CRACR2B: variants seen among roughly 807,000 people sequenced by gnomAD.
CRACR2B encodes the protein calcium release activated channel regulator 2B.
A neutral mutation model predicts 46.0 loss-of-function variants in CRACR2B; 50 were observed. The observed-to-expected ratio is 1.09, with a 90% CI of 0.87 to 1.38. The LOEUF is 1.38. Ranked by LOEUF, CRACR2B falls within the 40% of genes most tolerant of loss-of-function variation. CRACR2B has a pLI of 0.00. For synonymous variants in CRACR2B, 277 were observed against 239.6 expected, an observed-to-expected ratio of 1.16 and a Z score of -1.44; for missense variants, 667 against 535.0, an observed-to-expected ratio of 1.25 and a Z score of -2.43.
chr11:831,001 G>A lies in CRACR2B; in HGVS notation c.922G>A (p.Glu308Lys), dbSNP rs1479370827. Reference sequence around the variant, plus strand: ...GGAGCAGATCCGCAGGCTGGAGAGCGAAGCACGAGGCCGCCAGGAGCAAAC... The same window carrying A: ...GGAGCAGATCCGCAGGCTGGAGAGCAAAGCACGAGGCCGCCAGGAGCAAAC... ...AQEQIRRLES[E>K]ARGRQEQTQR... Residue 308 changes from glutamate to lysine, a missense_variant, in exon 7 of 9, where the codon GAA (glutamate) becomes AAA (lysine). Coordinates refer to ENST00000525077, the MANE Select transcript of CRACR2B (RefSeq NM_001286606.2). The A allele has an allele frequency of 2.6e-6, 4 of 1,533,878 alleles. No individual in the cohort carries two copies. The South Asian group carries it at 3.6e-5, about 14-fold the overall frequency.
At chr11:828,797 G>A in intron 1 of CRACR2B, 25 bp downstream of exon 1, 1 of 1,612,486 alleles carries the variant, frequency 6.2e-7, no homozygotes, top group Non-Finnish European at 8.5e-7. Context: ...CCAAGAGACT[G>A]CTTCGGCCCT....
In CRACR2B at chr11:830,985, C is replaced by A. The variant is rs766245094; in HGVS notation, c.906C>A (p.Ile302=). The change falls in exon 7 of 9, where the codon ATC becomes ATA. Residue 302 remains isoleucine, a synonymous_variant. Coordinates refer to ENST00000525077, the MANE Select transcript of CRACR2B (RefSeq NM_001286606.2). ...AGCTGGAGGGGGCGCAGGAGCAGATCCGCAGGCTGGAGAGCGAAGCACGAG... is the reference window on the plus strand; with the variant it reads ...AGCTGGAGGGGGCGCAGGAGCAGATACGCAGGCTGGAGAGCGAAGCACGAG... ...RTQLEGAQEQ[I]RRLESEARGR... is the part of the protein sequence containing the mutation. 6.5e-7 allele frequency: 1 copy of A among 1,533,822 alleles called. No homozygotes were observed. Among genetic ancestry groups the A allele is most frequent in the South Asian group, 1.2e-5 (1 of 83,982 alleles).
chr11:829,457 G>A lies in CRACR2B; in HGVS notation c.375G>A (p.Ala125=), dbSNP rs1179994082. The change falls in exon 3 of 9, where the codon GCG becomes GCA. Residue 125 remains alanine, a synonymous_variant. Coordinates refer to ENST00000525077, the MANE Select transcript of CRACR2B (RefSeq NM_001286606.2). The part of the protein sequence containing the change: ...ESGGLDVQGT[A]GSLDEEEEEE... ...GCGGGCTCGACGTGCAGGGCACGGC[G>A]GGCTCTCTGGATGAGGAGGAGGAAG... The A allele has an allele frequency of 4.3e-6, 7 of 1,609,768 alleles. No individual in the cohort carries two copies. The highest frequency in any genetic ancestry group is 2.7e-5 in the African/African-American group (2 of 74,968).
chr11:830,481 G>A (rs1432673916), intron 5 of CRACR2B, 140 bp from the exon 6 acceptor site: 1 of 1,537,118 alleles, frequency 6.5e-7, no homozygotes, highest in Non-Finnish European at 8.7e-7. Flanking sequence ...ATCCCACTGG[G>A]CCTCACGTAT....
rs1474815183 is a variant in CRACR2B at position 831,295 on chromosome 11, G to A, written c.1025G>A (p.Arg342Lys). The A allele has an allele frequency of 6.2e-7, 1 of 1,607,536 alleles. No individual in the cohort carries two copies. The highest frequency in any genetic ancestry group is 2.2e-5 in the East Asian group (1 of 44,840). Residue 342 changes from arginine to lysine, a missense_variant and splice_region_variant, in exon 8 of 9, where the codon AGG (arginine) becomes AAG (lysine). Arg to Lys is a conservative substitution (Grantham distance 26, BLOSUM62 2). Coordinates refer to ENST00000525077, the MANE Select transcript of CRACR2B (RefSeq NM_001286606.2). ...CTGCTACGGCAACTGGAGCTGCTCA[G>A]GTACGGTCAGGCTCAGGCCCGAGAG... Reference protein sequence around the residue: ...VSLLRQLELLRELNTRLRDDR... With the variant: ...VSLLRQLELLKELNTRLRDDR...
rs1302836740 is a variant in CRACR2B, at chr11:830,504, G to T, written c.694-117G>T. 9.1e-6 allele frequency: 14 copies of T among 1,539,036 alleles called. No homozygotes were observed. In the East Asian group the frequency reaches 2.9e-4, roughly 32 times the overall value. On this transcript the variant is annotated intron_variant, in intron 5 of 8. Coordinates refer to ENST00000525077, the MANE Select transcript of CRACR2B (RefSeq NM_001286606.2). ...GGGCCTCACGTATCACCCCCGTCCGGTCTTCTCCACCCGACCCCGCTCCGC... is the reference window on the plus strand; with the variant it reads ...GGGCCTCACGTATCACCCCCGTCCGTTCTTCTCCACCCGACCCCGCTCCGC...
At chr11:829,795 G>A (rs1846241262) in intron 3 of CRACR2B, 191 bp from the exon 4 acceptor site, 1 of 1,194,652 alleles carries the variant, frequency 8.4e-7, no homozygotes, top group South Asian at 1.6e-5. Context: ...GCACTGCCCA[G>A]GGTACACACA....
At chr11:829,564 C>T in intron 3 of CRACR2B, 24 bp downstream of exon 3, 1 of 1,534,774 alleles carries the variant, frequency 6.5e-7, no homozygotes, top group Non-Finnish European at 8.7e-7. Context: ...GGCCCCGCTC[C>T]CACTGCCCGC....
Position 829,472 on chromosome 11 carries a change from G to C in CRACR2B, c.390G>C (p.Glu130Asp). 1 of 1,608,994 alleles carries C rather than the reference G, an allele frequency of 6.2e-7. No homozygotes were observed. The highest frequency in any genetic ancestry group is 8.5e-7 in the Non-Finnish European group (1 of 1,178,552). Residue 130 changes from glutamate (E) to aspartate (D), a missense_variant, in exon 3 of 9, where the codon GAG becomes GAC. Physicochemically the swap from Glu to Asp is conservative, Grantham distance 45. Coordinates refer to ENST00000525077, the MANE Select transcript of CRACR2B (RefSeq NM_001286606.2). ...DVQGTAGSLD[E>D]EEEEEERFHT... ...AGGGCACGGCGGGCTCTCTGGATGA[G>C]GAGGAGGAAGAGGAGGAGCGATTCC...
chr11:829,051 G>T, intron 2 of CRACR2B, 88 bp downstream of exon 2: 1 of 1,515,468 alleles, frequency 6.6e-7, no homozygotes. Context: ...GAGGGCTGCC[G>T]GTGCCTCTCG....
At chr11:830,205 G>A in intron 4 of CRACR2B, 45 bp from the exon 5 acceptor site, 1 of 1,495,106 alleles carries the variant, frequency 6.7e-7, no homozygotes, top group Non-Finnish European at 8.9e-7. Flanking sequence ...CCAGGGGGCT[G>A]TAGCGCTGGC....
In CRACR2B at chr11:829,459, G is replaced by T. The variant is rs2133901228; in HGVS notation, c.377G>T (p.Gly126Val). 2 of 1,609,892 alleles carry T rather than the reference G, an allele frequency of 1.2e-6. No individual in the cohort carries two copies. Among genetic ancestry groups the T allele is most frequent in the Non-Finnish European group, 1.7e-6 (2 of 1,178,928 alleles). The change falls in exon 3 of 9, where the codon GGC becomes GTC. Residue 126 changes from glycine to valine, a missense_variant. Gly to Val is a moderately radical substitution (Grantham distance 109, BLOSUM62 -3). Transcript: ENST00000525077. Reference protein sequence around the residue: ...SGGLDVQGTAGSLDEEEEEEE... With the variant: ...SGGLDVQGTAVSLDEEEEEEE... Reference sequence around the variant, plus strand: ...GGGCTCGACGTGCAGGGCACGGCGGGCTCTCTGGATGAGGAGGAGGAAGAG... The same window carrying T: ...GGGCTCGACGTGCAGGGCACGGCGGTCTCTCTGGATGAGGAGGAGGAAGAG...
rs570908519 is a variant in CRACR2B at position 828,465 on chromosome 11, G to A, written c.-143G>A. The A allele has an allele frequency of 2.1e-4, 218 of 1,028,478 alleles. No homozygotes were observed. Among genetic ancestry groups the A allele is most frequent in the African/African-American group, 1.1e-3 (66 of 60,992 alleles). 63.7% of individuals were successfully genotyped at this position (1,028,478 alleles called of 1,614,324 possible). On this transcript the variant is annotated 5_prime_UTR_variant, in exon 1 of 9. Transcript: ENST00000525077. ...GCCCCCTGGTCCCACCTTGCCTTCC[G>A]CCCACCTTCCCACCTGCTGCAGGGA...
chr11:826,721 C>T (rs564055171), upstream of CRACR2B, among the ~76,000 whole-genome samples: 27 of 151,594 alleles, frequency 1.8e-4, no homozygotes, highest in Admixed American at 1.2e-3. Context: ...GACGGGGTTT[C>T]GCCATGTTGG....
Position 829,361 on chromosome 11 carries a change from G to C in CRACR2B, c.279G>C (p.Gly93=), listed in dbSNP as rs909958914. The C allele has an allele frequency of 1.9e-6, 3 of 1,604,750 alleles. No individual in the cohort carries two copies. The highest frequency in any genetic ancestry group is 2.7e-5 in the African/African-American group (2 of 74,464). The change falls in exon 3 of 9, where the codon GGG becomes GGC. Residue 93 remains glycine (G), a splice_region_variant and synonymous_variant. Coordinates refer to ENST00000525077, the MANE Select transcript of CRACR2B (RefSeq NM_001286606.2). ...LTAREFCLGL[G]MFVGVASAQG... Reference sequence around the variant, plus strand: ...TAATCGCTCGCTCCATGCCCGCAGGGATGTTTGTGGGGGTGGCGTCAGCCC... The same window carrying C: ...TAATCGCTCGCTCCATGCCCGCAGGCATGTTTGTGGGGGTGGCGTCAGCCC...
Position 830,292 on chromosome 11 carries a change from G to A in CRACR2B, c.648G>A (p.Glu216=), listed in dbSNP as rs1444583971. ...AGAGGGAGGTGCGCGCTCTGTACGA[G>A]GAGACGGAGCAGCTTCGGGAGCAGA... ...EHEREVRALY[E]ETEQLREQSR... Residue 216 remains glutamate, a synonymous_variant, in exon 5 of 9, where the codon GAG becomes GAA. Transcript: ENST00000525077. 2 of 1,533,224 alleles carry A rather than the reference G, an allele frequency of 1.3e-6. No individual in the cohort carries two copies. Among genetic ancestry groups the A allele is most frequent in the Non-Finnish European group, 1.8e-6 (2 of 1,141,612 alleles). 95.0% of individuals were successfully genotyped at this position (1,533,224 alleles called of 1,614,324 possible).
At chr11:827,132 AG>A (rs1386845144), upstream of CRACR2B, 1 of 151,804 alleles carries the variant, frequency 6.6e-6, no homozygotes, top group African/African-American at 2.4e-5. Context: ...GACAGGCGAC[AG>A]CGGCGCAGAG....
At chr11:830,425 C>T in intron 5 of CRACR2B, 88 bp downstream of exon 5, 1 of 1,536,208 alleles carries the variant, frequency 6.5e-7, no homozygotes, top group Non-Finnish European at 8.7e-7. Context: ...AATCCCTCCC[C>T]GACGGCCCCA....
intron 5 of CRACR2B, 122 bp downstream of exon 5, chr11:830,459 C>T: frequency 1.3e-6 from 2 of 1,536,212 alleles, no homozygotes; most frequent in Non-Finnish European, 1.7e-6. Flanking sequence ...AGGCTGCCCT[C>T]AGCCCGAGGA....
Sources: allele counts gnomAD v4.1 joint callset (sites outside exome capture counted in the v4.1 genomes callset), GRCh38; gene constraint gnomAD v4.1.1; transcripts MANE v1.5; gene names NCBI Gene and HGNC (gene_info 2026-07-23, HGNC 2026-07-21).